Variants in GALNT9 observed in about 807,000 individuals in gnomAD.
GALNT9 encodes GalNAc transferase 9.
GALNT9 carries 47 observed loss-of-function variants against 63.1 expected under a neutral mutation model. That is an observed-to-expected ratio of 0.75 (90% CI 0.59 to 0.95). The LOEUF is 0.95. Among genes scored for constraint, GALNT9 ranks in the 40% least tolerant of loss-of-function variants. The pLI, the probability that GALNT9 is intolerant of heterozygous loss-of-function variation, is 0.00. For synonymous variants in GALNT9, 396 were observed against 365.7 expected (o/e 1.08, Z -0.94); for missense variants, 829 against 874.8 (o/e 0.95, Z 0.66).
intron 5 of GALNT9, 144 bp downstream of exon 5, chr12:132,257,543 CCT>C: frequency 5.0e-6 from 2 of 402,424 alleles, no homozygotes; most frequent in East Asian, 9.5e-5. Flanking sequence ...ATCCCCACGC[CCT>C]CGTCCCCACG....
chr12:132,256,207 C>A (rs1476629923), intron 5 of GALNT9, among the ~76,000 whole-genome samples: 5 of 152,116 alleles, frequency 3.3e-5, no homozygotes, highest in Non-Finnish European at 7.3e-5. Flanking sequence ...CCCAGGCAGG[C>A]CCCTTCCCTG....
In GALNT9 at chr12:132,203,514, G is replaced by A. The variant is rs1876361677; in HGVS notation, c.1254C>T (p.Ile418=). The change falls in exon 7 of 11, where the codon ATC becomes ATT. Residue 418 remains isoleucine (I), a synonymous_variant. Coordinates refer to ENST00000328957, the MANE Select transcript of GALNT9 (RefSeq NM_001122636.2). ...CCTGTGGGGGACTCACCGACATGGG[G>A]ATGTTCCAGGCCATGTACACGTGGG... ...FKSHVYMAWN[I]PMSNPGVDFG... 1 of 1,613,594 alleles carries A rather than the reference G, an allele frequency of 6.2e-7. No homozygotes were observed. Among genetic ancestry groups the A allele is most frequent in the South Asian group, 1.1e-5 (1 of 91,080 alleles).
In GALNT9 at chr12:132,286,696, G is replaced by T. The variant is rs1414924228; in HGVS notation, c.239-266C>A. 6.6e-6 allele frequency among the ~76,000 whole-genome samples: 1 copy of T among 152,182 alleles called. No homozygotes were observed. The highest frequency in any genetic ancestry group is 1.5e-5 in the Non-Finnish European group (1 of 68,026). ...AAGGCAGTGGACTCTGTGTGATGCTGCAATGGTGGATATCTGTTATTATTA... is the reference window on the plus strand; with the variant it reads ...AAGGCAGTGGACTCTGTGTGATGCTTCAATGGTGGATATCTGTTATTATTA... On this transcript the variant is annotated intron_variant, in intron 1 of 10. Coordinates refer to ENST00000328957, the MANE Select transcript of GALNT9 (RefSeq NM_001122636.2). This position sits in a 1 kb window ranked among gnomAD's most constrained non-coding sequence, Gnocchi z 7.4.
chr12:132,233,152 A>G (rs1877910351), intron 6 of GALNT9, among the ~76,000 whole-genome samples: 1 of 56,758 alleles, frequency 1.8e-5, no homozygotes, highest in Non-Finnish European at 3.2e-5. Context: ...GGGCGACAGG[A>G]GACAGCGTGG....
At chr12:132,301,655 G>A (rs1401571246) in intron 1 of GALNT9, among the ~76,000 whole-genome samples, 1 of 152,256 alleles carries the variant, frequency 6.6e-6, no homozygotes, top group Non-Finnish European at 1.5e-5. Context: ...GGTTGAACCA[G>A]CCCTTGGAGG....
intron 6 of GALNT9, among the ~76,000 whole-genome samples, chr12:132,218,064 C>CCAT (rs1290143724): frequency 2.6e-5 from 4 of 151,908 alleles, no homozygotes; most frequent in Non-Finnish European, 5.9e-5. Context: ...ACTCATCTAC[C>CCAT]CATCCATCCA....
At chr12:132,292,909 C>T in intron 1 of GALNT9, among the ~76,000 whole-genome samples, 1 of 151,080 alleles carries the variant, frequency 6.6e-6, no homozygotes, top group South Asian at 2.2e-4. Context: ...ACGGAAAATA[C>T]TAGAAAGAGA....
chr12:132,294,505 T>A (rs1880978566), intron 1 of GALNT9, among the ~76,000 whole-genome samples: 2 of 152,234 alleles, frequency 1.3e-5, no homozygotes, highest in South Asian at 4.1e-4. Context: ...ATGCTGAGGC[T>A]GCCAGGCTGG....
At chr12:132,264,598 C>T (rs1879529911) in intron 2 of GALNT9, among the ~76,000 whole-genome samples, 1 of 152,232 alleles carries the variant, frequency 6.6e-6, no homozygotes, top group Non-Finnish European at 1.5e-5. Flanking sequence ...CCCCGCAGGT[C>T]CAAACCTTCC....
chr12:132,258,952 G>T (rs1181839033), intron 4 of GALNT9, among the ~76,000 whole-genome samples: 4 of 152,232 alleles, frequency 2.6e-5, no homozygotes, highest in African/African-American at 9.6e-5. Flanking sequence ...ATTCGGGTCG[G>T]CTCAGGCAGA....
rs1565994385 is a variant in GALNT9, at chr12:132,236,889, T to C, written c.1077+11021A>G. On this transcript the variant is annotated intron_variant, in intron 6 of 10. Transcript: ENST00000328957. This position sits in a 1 kb window ranked among gnomAD's most constrained non-coding sequence, Gnocchi z 5.6. The stretch of plus-strand genomic sequence containing the variant: ...TTGTGGCATCGGGATGGGAAAGCCA[T>C]GTGGGTGCTGGTCGTGTGGCCTCCC... Among the ~76,000 whole-genome samples the C allele has an allele frequency of 3.3e-5, 5 of 152,192 alleles. No homozygotes were observed. In the South Asian group the frequency reaches 1.0e-3, roughly 31 times the overall value.
intron 1 of GALNT9, among the ~76,000 whole-genome samples, chr12:132,306,756 A>G (rs944437683): frequency 9.2e-5 from 14 of 152,160 alleles, no homozygotes; most frequent in African/African-American, 2.4e-5. Flanking sequence ...GGCTGAACAC[A>G]AGGCTCCCTC....
In GALNT9 at chr12:132,252,900, G is replaced by A. The variant is rs1196439208; in HGVS notation, c.959+4789C>T. ...CTGCCTCAAAAAAAAAAAAAGACAC[G>A]GAGACCAGTAGTGGCCCCGAACGGC... On this transcript the variant is annotated intron_variant, in intron 5 of 10. Coordinates refer to ENST00000328957, the MANE Select transcript of GALNT9 (RefSeq NM_001122636.2). The surrounding 1 kb of genome is among the most constrained non-coding windows in gnomAD (Gnocchi z 5.2). Among the ~76,000 whole-genome samples the A allele has an allele frequency of 2.6e-5, 4 of 151,804 alleles. No homozygotes were observed. Among genetic ancestry groups the A allele is most frequent in the East Asian group, 1.9e-4 (1 of 5,156 alleles).
Position 132,267,255 on chromosome 12 carries a change from C to T in GALNT9, c.420-4630G>A, listed in dbSNP as rs118093565. ...GAAGGAGGCAGGCAGGGCCACATGG[C>T]GCCAGCTTGTGGCAGGGGTGGATGG... On this transcript the variant is annotated intron_variant, in intron 2 of 10. Coordinates refer to ENST00000328957, the MANE Select transcript of GALNT9 (RefSeq NM_001122636.2). Among the ~76,000 whole-genome samples the T allele has an allele frequency of 5.6e-3, 850 of 151,896 alleles. 4 individuals are homozygous for T. Among genetic ancestry groups the T allele is most frequent in the Non-Finnish European group, 9.6e-3 (655 of 67,982 alleles).
chr12:132,214,709 G>A (rs907725590), intron 6 of GALNT9, among the ~76,000 whole-genome samples: 2 of 152,320 alleles, frequency 1.3e-5, no homozygotes, highest in African/African-American at 4.8e-5. Context: ...GGCCCTGCCT[G>A]GTGGTACCCC....
chr12:132,197,186 A>C lies in GALNT9; in HGVS notation c.1733T>G (p.Phe578Cys). The stretch of plus-strand genomic sequence containing the variant: ...CCTCTGTACCACCAGCCGGAGCCCA[A>C]AGTTGGCATCTTTGGACATCTCCAC... ...LEVEMSKDAN[F>C]GLRLVVQRCS... Residue 578 changes from phenylalanine to cysteine, a missense_variant, in exon 11 of 11, where the codon TTT becomes TGT. Physicochemically the swap from Phe to Cys is radical, Grantham distance 205. Coordinates refer to ENST00000328957, the MANE Select transcript of GALNT9 (RefSeq NM_001122636.2). 1 of 1,614,046 alleles carries C rather than the reference A, an allele frequency of 6.2e-7. No homozygotes were observed. Among genetic ancestry groups the C allele is most frequent in the Non-Finnish European group, 8.5e-7 (1 of 1,180,018 alleles).
In GALNT9 at chr12:132,247,966, G is replaced by A. The variant is rs890789817; in HGVS notation, c.1021C>T (p.Leu341=). 79 of 1,551,538 alleles carry A rather than the reference G, an allele frequency of 5.1e-5. No individual in the cohort carries two copies. Among genetic ancestry groups the A allele is most frequent in the Non-Finnish European group, 6.5e-5 (75 of 1,147,016 alleles). The change falls in exon 6 of 11, where the codon CTG becomes TTG. Residue 341 remains leucine, a synonymous_variant. Transcript: ENST00000328957. ...VDREYFGDIG[L]LDPGMEVYGG... is the part of the protein sequence containing the mutation. ...TACACCTCCATGCCGGGGTCCAGCAGCCCAATGTCTCCGAAGTACTCGCGG... is the reference window on the plus strand; with the variant it reads ...TACACCTCCATGCCGGGGTCCAGCAACCCAATGTCTCCGAAGTACTCGCGG...
In GALNT9 at chr12:132,246,451, G is replaced by A. The variant is rs1482541435; in HGVS notation, c.1077+1459C>T. Among the ~76,000 whole-genome samples the A allele has an allele frequency of 1.3e-5, 2 of 152,204 alleles. No individual in the cohort carries two copies. Among genetic ancestry groups the A allele is most frequent in the East Asian group, 3.8e-4 (2 of 5,202 alleles). On this transcript the variant is annotated intron_variant, in intron 6 of 10. Transcript: ENST00000328957. The surrounding 1 kb of genome is among the most constrained non-coding windows in gnomAD (Gnocchi z 4.7). The stretch of plus-strand genomic sequence containing the variant: ...TAAAAGAAAATAAAACACTATGTTT[G>A]TAAGTGCCATTTTTAAAAGGCTCAA...
Position 132,196,968 on chromosome 12 carries a change from CG to C in GALNT9, c.*138del, listed in dbSNP as rs1233076866. 4 of 1,496,572 alleles carry C rather than the reference CG, an allele frequency of 2.7e-6. No homozygotes were observed. The highest frequency in any genetic ancestry group is 8.9e-7 in the Non-Finnish European group (1 of 1,127,240). The allele number at this position is 1,496,572 out of a possible 1,614,324, so 92.7% of individuals were successfully genotyped here. On this transcript the variant is annotated 3_prime_UTR_variant, in exon 11 of 11. Coordinates refer to ENST00000328957, the MANE Select transcript of GALNT9 (RefSeq NM_001122636.2). ...ACACCCTGGTCACTCAGCCACACCC[CG>C]GCCCCTCAGCCTCTGCTGTCCTGGC...
Sources: gnomAD v4.1 joint callset for allele counts (sites outside exome capture counted in the v4.1 genomes callset) on GRCh38, gnomAD v4.1.1 for gene constraint, Gnocchi (gnomAD v3.1) non-coding constraint, MANE v1.5 for transcripts, NCBI Gene and HGNC (gene_info 2026-07-23, HGNC 2026-07-21) for gene names.